ZNF385B: variants seen among roughly 807,000 people sequenced by gnomAD.
ZNF385B encodes the protein zinc finger protein 533.
ZNF385B carries 23 observed loss-of-function variants against 39.2 expected under a neutral mutation model. The ratio of observed to expected loss-of-function variants is 0.59; its 90% CI spans 0.42 to 0.83. ZNF385B has a LOEUF of 0.83. Ranked by LOEUF, ZNF385B falls within the 40% of genes least tolerant of loss-of-function variation. The probability of loss-of-function intolerance (pLI) is 0.00; values close to 1 mark genes in which losing one functional copy is unlikely to be tolerated. For synonymous variants in ZNF385B, 205 were observed against 222.6 expected, an observed-to-expected ratio of 0.92 and a Z score of 0.70; for missense variants, 552 against 598.9, an observed-to-expected ratio of 0.92 and a Z score of 0.82.
At chr2:179,827,792 G>A (rs747196344) in intron 1 of ZNF385B, among the ~76,000 whole-genome samples, 1 of 152,076 alleles carries the variant, frequency 6.6e-6, no homozygotes, top group South Asian at 2.1e-4. Flanking sequence ...TTGTCACGAC[G>A]TGAACGTGTC....
chr2:179,813,718 T>G (rs1449533722), intron 1 of ZNF385B, among the ~76,000 whole-genome samples: 1 of 152,198 alleles, frequency 6.6e-6, no homozygotes, highest in Non-Finnish European at 1.5e-5. Context: ...TTTTAAAATC[T>G]CTTTAAAGTT....
chr2:179,653,922 T>C (rs1341473889), intron 3 of ZNF385B, among the ~76,000 whole-genome samples: 2 of 152,202 alleles, frequency 1.3e-5, no homozygotes, highest in African/African-American at 4.8e-5. Flanking sequence ...CCAAATTATT[T>C]TGAAATATTT....
intron 6 of ZNF385B, among the ~76,000 whole-genome samples, chr2:179,468,973 T>A (rs1182860550): frequency 1.3e-5 from 2 of 152,168 alleles, no homozygotes; most frequent in African/African-American, 4.8e-5. Context: ...AAAAGCCAAT[T>A]ATAAAAAAAT....
At chr2:179,721,870 A>C (rs1700718775) in intron 3 of ZNF385B, among the ~76,000 whole-genome samples, 1 of 152,068 alleles carries the variant, frequency 6.6e-6, no homozygotes, top group Non-Finnish European at 1.5e-5. Flanking sequence ...ATAAGACAAA[A>C]ACAAACAAAC....
intron 3 of ZNF385B, among the ~76,000 whole-genome samples, chr2:179,709,932 G>A (rs918331993): frequency 2.0e-5 from 3 of 152,182 alleles, no homozygotes; most frequent in African/African-American, 7.2e-5. Flanking sequence ...GTGCAGCTGT[G>A]TGTGACCTAC....
chr2:179,641,029 T>C (rs78132367), intron 3 of ZNF385B, among the ~76,000 whole-genome samples: 6,078 of 152,280 alleles, frequency 0.04, 163 homozygotes, highest in Middle Eastern at 0.065. Flanking sequence ...TAAATCCTCT[T>C]TGAATCTTTT....
At chr2:179,695,136 A>C (rs1354474566) in intron 3 of ZNF385B, among the ~76,000 whole-genome samples, 1 of 151,580 alleles carries the variant, frequency 6.6e-6, no homozygotes, top group African/African-American at 2.4e-5. Context: ...TGAGTTGGTA[A>C]ACCACATTAG....
intron 3 of ZNF385B, among the ~76,000 whole-genome samples, chr2:179,759,414 G>T (rs1228365767): frequency 6.6e-6 from 1 of 152,110 alleles, no homozygotes; most frequent in East Asian, 1.9e-4. Flanking sequence ...TCTTATCTAT[G>T]TCTTTGCAGC....
intron 1 of ZNF385B, among the ~76,000 whole-genome samples, chr2:179,808,193 T>C (rs553529046): frequency 5.9e-4 from 89 of 152,020 alleles, no homozygotes; most frequent in African/African-American, 1.6e-3. Context: ...CCGCCACGCC[T>C]GGCTAATTTT....
chr2:179,583,892 A>G, intron 3 of ZNF385B: 13 of 1,302,190 alleles, frequency 1.0e-5, no homozygotes, highest in Non-Finnish European at 1.3e-5. Flanking sequence ...CATATAAATT[A>G]TACATTTTCT....
intron 3 of ZNF385B, among the ~76,000 whole-genome samples, chr2:179,731,407 T>G (rs182371390): frequency 7.3e-4 from 111 of 151,318 alleles, no homozygotes; most frequent in African/African-American, 2.0e-3. Context: ...ATCTTTGCCA[T>G]GTGTACTTTC....
intron 5 of ZNF385B, among the ~76,000 whole-genome samples, chr2:179,495,046 A>G (rs1313651280): frequency 1.3e-5 from 2 of 152,128 alleles, no homozygotes; most frequent in East Asian, 3.9e-4. Context: ...GGGATAGAGC[A>G]CCACGTGTAC....
At chr2:179,538,744 A>C (rs2059738627) in intron 4 of ZNF385B, among the ~76,000 whole-genome samples, 1 of 152,196 alleles carries the variant, frequency 6.6e-6, no homozygotes, top group Admixed American at 6.5e-5. Context: ...GGCAGTAAAA[A>C]TCAGATTATT....
At chr2:179,604,486 T>C (rs1276898549) in intron 3 of ZNF385B, among the ~76,000 whole-genome samples, 1 of 152,074 alleles carries the variant, frequency 6.6e-6, no homozygotes, top group Non-Finnish European at 1.5e-5. Context: ...AAAAGATAAC[T>C]AGTTGGAACC....
At chr2:179,724,387 A>C (rs1700875749) in intron 3 of ZNF385B, among the ~76,000 whole-genome samples, 1 of 152,188 alleles carries the variant, frequency 6.6e-6, no homozygotes, top group African/African-American at 2.4e-5. Flanking sequence ...TGTGGTTATC[A>C]AGAACGAAAT....
chr2:179,521,219 C>T (rs1430374163), intron 4 of ZNF385B, among the ~76,000 whole-genome samples: 1 of 151,776 alleles, frequency 6.6e-6, no homozygotes, highest in African/African-American at 2.4e-5. Flanking sequence ...CAGAGTCTTG[C>T]TCCGTGGCCC....
At chr2:179,444,550 C>T (rs2049275731) in intron 9 of ZNF385B, among the ~76,000 whole-genome samples, 1 of 152,200 alleles carries the variant, frequency 6.6e-6, no homozygotes, top group South Asian at 2.1e-4. Flanking sequence ...AGAAATCCCT[C>T]TTTCCAGGTT....
intron 1 of ZNF385B, among the ~76,000 whole-genome samples, chr2:179,807,629 C>T (rs1706441466): frequency 6.6e-6 from 1 of 151,672 alleles, no homozygotes; most frequent in Non-Finnish European, 1.5e-5. Flanking sequence ...GGTGCGGTGG[C>T]TCACGCCTGT....
In ZNF385B at chr2:179,493,381, G is replaced by A. The variant is rs574258378; in HGVS notation, c.553-9947C>T. ...TATATATGTAGGTTTGTGTGCGCGC[G>A]CACATATATGTATGCATACATATAT... On this transcript the variant is annotated intron_variant, in intron 5 of 9. Coordinates refer to ENST00000410066, the MANE Select transcript of ZNF385B (RefSeq NM_152520.6). Among the ~76,000 whole-genome samples the A allele has an allele frequency of 1.4e-3, 198 of 143,980 alleles. 1 individual carries two copies. The highest frequency in any genetic ancestry group is 6.5e-3 in the South Asian group (29 of 4,436). The allele number at this position is 143,980 out of a possible 152,430, so 94.5% of individuals were successfully genotyped here. A position where few individuals can be genotyped will look rare whatever the true frequency, so the allele number is the denominator to read the frequency against.
Sources: allele counts gnomAD v4.1 joint callset (sites outside exome capture counted in the v4.1 genomes callset), GRCh38; gene constraint gnomAD v4.1.1; transcripts MANE v1.5; gene names NCBI Gene and HGNC (gene_info 2026-07-23, HGNC 2026-07-21).